Variants in MYBPC2 observed in about 807,000 individuals in gnomAD.
MYBPC2 encodes myosin binding protein C2.
Under a neutral mutation model 137.0 loss-of-function variants are expected in MYBPC2, and 122 were observed. That is an observed-to-expected ratio of 0.89 (90% CI 0.77 to 1.03). The LOEUF (loss-of-function observed/expected upper bound fraction) is 1.03. Ranked by LOEUF, MYBPC2 falls within the 50% of genes least tolerant of loss-of-function variation. The probability of loss-of-function intolerance (pLI) is 0.00; values close to 1 mark genes in which losing one functional copy is unlikely to be tolerated. For synonymous variants in MYBPC2, 626 were observed against 612.3 expected, an observed-to-expected ratio of 1.02 and a Z score of -0.33; for missense variants, 1,500 against 1,534.4, an observed-to-expected ratio of 0.98 and a Z score of 0.37.
At chr19:50,453,398 G>C (rs1326751470) in intron 16 of MYBPC2, among the ~76,000 whole-genome samples, 2 of 152,228 alleles carry the variant, frequency 1.3e-5, no homozygotes, top group African/African-American at 4.8e-5. Context: ...TATCCAGGAA[G>C]GCTTCCTGGA....
intron 27 of MYBPC2, among the ~76,000 whole-genome samples, chr19:50,464,884 G>A (rs753518766): frequency 6.6e-5 from 10 of 152,042 alleles, no homozygotes; most frequent in Non-Finnish European, 1.3e-4. Context: ...TGGATAACAC[G>A]GATGACCAGG....
chr19:50,460,409 G>A (rs144582961), intron 24 of MYBPC2, among the ~76,000 whole-genome samples: 40 of 152,216 alleles, frequency 2.6e-4, no homozygotes, highest in African/African-American at 8.9e-4. Context: ...GTTTTAAAGC[G>A]AACAATTCAG....
rs576872213 is a variant in MYBPC2 at position 50,462,735 on chromosome 19, C to T, written c.3228+699C>T. Among the ~76,000 whole-genome samples, 29 of 152,154 alleles carry T rather than the reference C, an allele frequency of 1.9e-4. No individual in the cohort carries two copies. In the South Asian group the frequency reaches 5.8e-3, roughly 30 times the overall value. On this transcript the variant is annotated intron_variant, in intron 26 of 27. Coordinates refer to ENST00000357701, the MANE Select transcript of MYBPC2 (RefSeq NM_004533.4). ...AGGATTACAGGCGTGCACCACCATG[C>T]CCAGCTAAATTTTGTATTTTTAGTA... is the stretch of plus-strand genomic sequence containing the variant.
intron 20 of MYBPC2, among the ~76,000 whole-genome samples, chr19:50,457,490 G>A (rs558615791): frequency 2.0e-5 from 3 of 152,276 alleles, no homozygotes; most frequent in African/African-American, 7.2e-5. Context: ...CTGCCCCTCT[G>A]TGCCAGCCTT....
chr19:50,440,761 T>G, intron 7 of MYBPC2, 119 bp from the exon 8 acceptor site: 1 of 999,916 alleles, frequency 1.0e-6, no homozygotes, highest in Non-Finnish European at 1.4e-6. Flanking sequence ...CGGGAAACAA[T>G]AAGACCCCTA....
chr19:50,442,009 A>C (rs909732506), intron 8 of MYBPC2, among the ~76,000 whole-genome samples, 172 bp from the exon 9 acceptor site: 2 of 152,156 alleles, frequency 1.3e-5, no homozygotes, highest in Non-Finnish European at 2.9e-5. Context: ...CCTGCCCTGC[A>C]TCACCACCAG....
rs1030536853 is a variant in MYBPC2, at chr19:50,443,792, C to A, written c.1109C>A (p.Ser370Ter). Residue 370 changes from serine to a stop codon, truncating the protein, a stop_gained, in exon 11 of 28, where the codon TCA (serine) becomes TAA (stop). Transcript: ENST00000357701. LOFTEE classifies it high-confidence loss of function. ...CGGGTGGAAATGGCAGTGGAGGTGT[C>A]AGAAGAGGGTGCCCAGGTGATGTGG... ...GDRVEMAVEV[S>*]EEGAQVMWMK... 6.2e-7 allele frequency: 1 copy of A among 1,613,716 alleles called. No individual in the cohort carries two copies. Among genetic ancestry groups the A allele is most frequent in the Non-Finnish European group, 8.5e-7 (1 of 1,179,842 alleles).
chr19:50,461,557 T>C lies in MYBPC2; in HGVS notation c.2947T>C (p.Tyr983His), dbSNP rs1204563391. 6.2e-7 allele frequency: 1 copy of C among 1,613,614 alleles called. No homozygotes were observed. Among genetic ancestry groups the C allele is most frequent in the East Asian group, 2.2e-5 (1 of 44,874 alleles). Residue 983 changes from tyrosine (Y) to histidine (H), a missense_variant, in exon 25 of 28, where the codon TAT (tyrosine) becomes CAT (histidine). Tyr to His is a moderately conservative substitution (Grantham distance 83). Coordinates refer to ENST00000357701, the MANE Select transcript of MYBPC2 (RefSeq NM_004533.4). ...DKKTMEWFNV[Y>H]ERNRHTSCTV... ...CCCACACTAGGAGTGGTTCAACGTC[T>C]ATGAACGTAACAGGCACACTAGCTG...
chr19:50,455,772 A>C (rs2039904737), intron 20 of MYBPC2, 128 bp downstream of exon 20: 2 of 1,374,848 alleles, frequency 1.5e-6, no homozygotes, highest in Non-Finnish European at 1.9e-6. Context: ...TTGTGTCTGT[A>C]CTGTTATAAG....
chr19:50,440,875 G>T lies in MYBPC2; in HGVS notation c.573-5G>T, dbSNP rs556445274. The T allele has an allele frequency of 1.2e-6, 2 of 1,610,312 alleles. No individual in the cohort carries two copies. Among genetic ancestry groups the T allele is most frequent in the Non-Finnish European group, 1.7e-6 (2 of 1,177,896 alleles). ...ATGGCCCCTGTCCGTTCCCCCACCC[G>T]CCAGGGAGGTGGTGGAGGAGGAGAA... is the stretch of plus-strand genomic sequence containing the variant. On this transcript the variant is annotated splice_region_variant and splice_polypyrimidine_tract_variant and intron_variant, in intron 7 of 27. Coordinates refer to ENST00000357701, the MANE Select transcript of MYBPC2 (RefSeq NM_004533.4).
chr19:50,456,667 AC>A (rs2039917645), intron 20 of MYBPC2, among the ~76,000 whole-genome samples: 1 of 151,226 alleles, frequency 6.6e-6, no homozygotes, highest in Admixed American at 6.6e-5. Flanking sequence ...TGATCTTCTG[AC>A]CTCGTGATCC....
At chr19:50,449,020 G>A (rs531064647) in intron 13 of MYBPC2, among the ~76,000 whole-genome samples, 15 of 151,276 alleles carry the variant, frequency 9.9e-5, no homozygotes, top group African/African-American at 2.9e-4. Flanking sequence ...GTGAACCACC[G>A]CACCTGTCCT....
At chr19:50,459,988 C>T (rs943025197) in intron 23 of MYBPC2, 52 bp from the exon 24 acceptor site, 49 of 1,548,238 alleles carry the variant, frequency 3.2e-5, no homozygotes, top group South Asian at 7.1e-5. Context: ...GGGAGGGAAG[C>T]GGCTGGACAT....
chr19:50,434,889 A>T (rs2039687565), intron 1 of MYBPC2, among the ~76,000 whole-genome samples: 1 of 152,026 alleles, frequency 6.6e-6, no homozygotes. Flanking sequence ...GCCTGGGCGG[A>T]TGGGGCAGGG....
rs971580822 is a variant in MYBPC2, at chr19:50,465,255, G to A, written c.3415+723G>A. ...TCCCACATGATGTCCCAGCCACACC[G>A]GGCTGTTGGCAGTTACACTGGCCAG... On this transcript the variant is annotated intron_variant, in intron 27 of 27. Coordinates refer to ENST00000357701, the MANE Select transcript of MYBPC2 (RefSeq NM_004533.4). This position sits in a 1 kb window ranked among gnomAD's most constrained non-coding sequence, Gnocchi z 4.5. Among the ~76,000 whole-genome samples, 6 of 152,254 alleles carry A rather than the reference G, an allele frequency of 3.9e-5. No homozygotes were observed. The highest frequency in any genetic ancestry group is 1.9e-4 in the East Asian group (1 of 5,178).
At chr19:50,453,857 T>G (rs1043078354) in intron 16 of MYBPC2, among the ~76,000 whole-genome samples, 163 bp from the exon 17 acceptor site, 16 of 152,098 alleles carry the variant, frequency 1.1e-4, no homozygotes, top group African/African-American at 3.6e-4. Flanking sequence ...GTGCTTTTAA[T>G]GAAGGACGGC....
Position 50,435,342 on chromosome 19 carries a change from C to T in MYBPC2, c.109+92C>T. 1.4e-6 allele frequency: 1 copy of T among 694,640 alleles called. No individual in the cohort carries two copies. The highest frequency in any genetic ancestry group is 2.6e-6 in the Non-Finnish European group (1 of 379,630). 43.0% of individuals were successfully genotyped at this position (694,640 alleles called of 1,614,324 possible). A position where few individuals can be genotyped will look rare whatever the true frequency, so the allele number is the denominator to read the frequency against. ...TCCAGGCCTTTCCCCAGCCTCTATC[C>T]TTGAATCTGTCCCCGCACAGCCCCA... is the stretch of plus-strand genomic sequence containing the variant. On this transcript the variant is annotated intron_variant, in intron 2 of 27. Transcript: ENST00000357701. The surrounding 1 kb of genome is among the most constrained non-coding windows in gnomAD (Gnocchi z 4.8).
chr19:50,459,224 C>G lies in MYBPC2; in HGVS notation c.2709C>G (p.Ala903=), dbSNP rs913261966. Reference sequence around the variant, plus strand: ...CCGTGTTCTTCGTGCGCCAGGCGGCCCGCTCCGACTCCGGGGAGTACGAGC... The same window carrying G: ...CCGTGTTCTTCGTGCGCCAGGCGGCGCGCTCCGACTCCGGGGAGTACGAGC... ...FDTVFFVRQA[A]RSDSGEYELS... is the part of the protein sequence containing the mutation. The change falls in exon 23 of 28, where the codon GCC becomes GCG. Residue 903 remains alanine, a synonymous_variant. Coordinates refer to ENST00000357701, the MANE Select transcript of MYBPC2 (RefSeq NM_004533.4). The G allele has an allele frequency of 1.2e-6, 2 of 1,611,328 alleles. No individual in the cohort carries two copies. The highest frequency in any genetic ancestry group is 1.7e-5 in the Admixed American group (1 of 59,938).
At chr19:50,441,344 C>T (rs964969560) in intron 8 of MYBPC2, among the ~76,000 whole-genome samples, 1 of 152,178 alleles carries the variant, frequency 6.6e-6, no homozygotes, top group Admixed American at 6.5e-5. Flanking sequence ...AGTTACTGCC[C>T]CTTTCCATGG....
Sources: allele counts gnomAD v4.1 joint callset (sites outside exome capture counted in the v4.1 genomes callset), GRCh38; gene constraint gnomAD v4.1.1; non-coding constraint Gnocchi (gnomAD v3.1); transcripts MANE v1.5; gene names NCBI Gene and HGNC (gene_info 2026-07-23, HGNC 2026-07-21).